PCNX3: variants seen among roughly 807,000 people sequenced by gnomAD.
PCNX3 encodes the protein pecanex-like protein 3.
A neutral mutation model predicts 207.2 loss-of-function variants in PCNX3; 58 were observed. That is an observed-to-expected ratio of 0.28 (90% confidence interval 0.23 to 0.35). PCNX3 has a LOEUF of 0.35. Ranked by LOEUF, PCNX3 falls within the 10% of genes least tolerant of loss-of-function variation. PCNX3 has a pLI of 1.00. For synonymous variants in PCNX3, 1,337 were observed against 1,183.5 expected (o/e 1.13, Z -2.66); for missense variants, 2,410 against 2,774.4 (o/e 0.87, Z 2.95).
Position 65,618,469 on chromosome 11 carries a change from G to A in PCNX3, c.1107G>A (p.Gly369=), listed in dbSNP as rs1411932309. ...LRSFDTVIGA[G]TPPGLAEPLL... ...CCTTTGACACGGTCATTGGAGCAGG[G>A]ACGCCACCGGGCCTGGCTGAGCCGC... The change falls in exon 6 of 35, where the codon GGG becomes GGA. Residue 369 remains glycine (G), a synonymous_variant. Transcript: ENST00000355703. 1 of 1,609,028 alleles carries A rather than the reference G, an allele frequency of 6.2e-7. No homozygotes were observed.
chr11:65,618,555 T>C lies in PCNX3; in HGVS notation c.1193T>C (p.Leu398Pro), dbSNP rs767022680. Residue 398 changes from leucine to proline, a missense_variant, in exon 6 of 35, where the codon CTG becomes CCG. Physicochemically the swap from Leu to Pro is moderately conservative, Grantham distance 98. Coordinates refer to ENST00000355703, the MANE Select transcript of PCNX3 (RefSeq NM_032223.4). ...LLRPSKRQPPLRRHSPPGRAP... is the reference protein window; with the variant it reads ...LLRPSKRQPPPRRHSPPGRAP... ...CGGCCTAGCAAACGGCAGCCACCCCTGCGAAGACACTCTCCACCTGGCCGT... is the reference window on the plus strand; with the variant it reads ...CGGCCTAGCAAACGGCAGCCACCCCCGCGAAGACACTCTCCACCTGGCCGT... The C allele has an allele frequency of 6.2e-7, 1 of 1,611,470 alleles. No individual in the cohort carries two copies. Among genetic ancestry groups the C allele is most frequent in the Non-Finnish European group, 8.5e-7 (1 of 1,179,438 alleles).
intron 3 of PCNX3, 21 bp from the exon 4 acceptor site, chr11:65,617,449 C>T (rs1425868571): frequency 2.5e-6 from 4 of 1,613,972 alleles, no homozygotes; most frequent in African/African-American, 1.3e-5. Flanking sequence ...TTTGTTCCTT[C>T]ATGGCTCTCT....
chr11:65,624,053 C>T, intron 13 of PCNX3, 92 bp downstream of exon 13: 1 of 1,580,668 alleles, frequency 6.3e-7, no homozygotes, highest in Non-Finnish European at 8.6e-7. Flanking sequence ...AGGGCTGGGG[C>T]TCCCTCACCA....
chr11:65,616,502 AG>A, intron 1 of PCNX3, 38 bp downstream of exon 1: 1 of 1,575,096 alleles, frequency 6.3e-7, no homozygotes, highest in Non-Finnish European at 8.6e-7. Flanking sequence ...CAGCCGGGAG[AG>A]GGAGGGCAGC....
Position 65,617,180 on chromosome 11 carries a change from C to T in PCNX3, c.342-70C>T, listed in dbSNP as rs1291599644. 1.3e-5 allele frequency: 19 copies of T among 1,463,592 alleles called. No individual in the cohort carries two copies. The Admixed American group carries it at 2.6e-4, about 20-fold the overall frequency. The allele number at this position is 1,463,592 out of a possible 1,614,324, so 90.7% of individuals were successfully genotyped here. ...GTGACTTCTGAAAAAGAAGCAGTGA[C>T]AAAGATGGGAGGAAGTAGCATACAC... On this transcript the variant is annotated intron_variant, in intron 2 of 34. Coordinates refer to ENST00000355703, the MANE Select transcript of PCNX3 (RefSeq NM_032223.4).
chr11:65,616,798 G>A (rs759028207), intron 1 of PCNX3, 26 bp from the exon 2 acceptor site: 2 of 1,596,620 alleles, frequency 1.3e-6, no homozygotes, highest in Non-Finnish European at 1.7e-6. Context: ...TTTGTGAAAA[G>A]GGACCTGGCT....
chr11:65,635,859 G>C lies in PCNX3; in HGVS notation c.5459+56G>C. On this transcript the variant is annotated intron_variant, in intron 32 of 34. Transcript: ENST00000355703. This position sits in a 1 kb window ranked among gnomAD's most constrained non-coding sequence, Gnocchi z 9.9. Reference sequence around the variant, plus strand: ...GCGGGAGGAAGCTGAGGTGCAGTACGTCCCTCCTGGGTCTCAGAGGGAGGA... The same window carrying C: ...GCGGGAGGAAGCTGAGGTGCAGTACCTCCCTCCTGGGTCTCAGAGGGAGGA... 9 of 1,539,264 alleles carry C rather than the reference G, an allele frequency of 5.8e-6. No homozygotes were observed. Among genetic ancestry groups the C allele is most frequent in the Non-Finnish European group, 7.9e-6 (9 of 1,143,122 alleles).
chr11:65,634,488 C>A (rs1171833095), intron 28 of PCNX3, 50 bp from the exon 29 acceptor site: 1 of 1,540,110 alleles, frequency 6.5e-7, no homozygotes, highest in Non-Finnish European at 8.8e-7. Context: ...CTCCAAGGTC[C>A]CTGTCCCAGG....
Position 65,616,990 on chromosome 11 carries a change from A to G in PCNX3, c.320A>G (p.Gln107Arg), listed in dbSNP as rs776787950. The change falls in exon 2 of 35, where the codon CAG becomes CGG. Residue 107 changes from glutamine (Q) to arginine (R), a missense_variant. Gln to Arg is a conservative substitution (Grantham distance 43). Coordinates refer to ENST00000355703, the MANE Select transcript of PCNX3 (RefSeq NM_032223.4). ...TMGELEEEPA[Q>R]GDSNPPRDPG... ...GGGGAGCTGGAGGAAGAGCCTGCCC[A>G]GGGGGACAGCAATCCACCCAGGTGG... The G allele has an allele frequency of 6.2e-7, 1 of 1,611,358 alleles. No individual in the cohort carries two copies. Among genetic ancestry groups the G allele is most frequent in the African/African-American group, 1.3e-5 (1 of 74,892 alleles).
Position 65,636,802 on chromosome 11 carries a change from C to T in PCNX3, c.5929C>T (p.Leu1977Phe). The T allele has an allele frequency of 1.3e-6, 2 of 1,549,300 alleles. No individual in the cohort carries two copies. Among genetic ancestry groups the T allele is most frequent in the Middle Eastern group, 1.7e-4 (1 of 5,992 alleles). The change falls in exon 35 of 35, where the codon CTC (leucine) becomes TTC (phenylalanine). Residue 1977 changes from leucine to phenylalanine, a missense_variant. Transcript: ENST00000355703. The stretch of plus-strand genomic sequence containing the variant: ...CCTCAGCCTCAGCCTCAGCCTCAGC[C>T]TCAGCCCCGATGTCAGCACTGAGGC... ...LDLSLSLSLS[L>F]SPDVSTEASP...
At chr11:65,634,499 T>A (rs1590905942) in intron 28 of PCNX3, 39 bp from the exon 29 acceptor site, 1 of 1,550,222 alleles carries the variant, frequency 6.5e-7, no homozygotes, top group Non-Finnish European at 8.7e-7. Context: ...CTGTCCCAGG[T>A]CTGAGCTGGG....
At chr11:65,624,648 G>A in intron 15 of PCNX3, 67 bp downstream of exon 15, 1 of 1,403,420 alleles carries the variant, frequency 7.1e-7, no homozygotes, top group South Asian at 1.2e-5. Context: ...CTCGGATTGG[G>A]TCCTTGGCTC....
Position 65,619,078 on chromosome 11 carries a change from G to A in PCNX3, c.1705+11G>A. The stretch of plus-strand genomic sequence containing the variant: ...GTGCTGTGGGGGGAGGTGAGTGCTT[G>A]CTCTAGAGGCAGGGGCTGGGGGACG... On this transcript the variant is annotated intron_variant, in intron 6 of 34. Transcript: ENST00000355703. 1.3e-6 allele frequency: 2 copies of A among 1,577,478 alleles called. No individual in the cohort carries two copies. Among genetic ancestry groups the A allele is most frequent in the South Asian group, 2.3e-5 (2 of 88,790 alleles).
At position 65,627,492 on chromosome 11, in the gene PCNX3, C is replaced by G. The variant is rs183218801; in HGVS notation, c.3612C>G (p.Ala1204=). 6.2e-6 allele frequency: 10 copies of G among 1,613,830 alleles called. No homozygotes were observed. In the African/African-American group the frequency reaches 1.3e-4, roughly 22 times the overall value. The part of the protein sequence containing the change: ...CCPPQQYLTL[A]FTVLLFHFDY... ...CCCCACAGCAGTACCTGACGTTGGC[C>G]TTCACCGTCCTGCTCTTCCACTTTG... Residue 1204 remains alanine, a synonymous_variant, in exon 22 of 35, where the codon GCC becomes GCG. Transcript: ENST00000355703.
In PCNX3 at chr11:65,634,276, C is replaced by T. The variant is rs765339856; in HGVS notation, c.4621C>T (p.Arg1541Cys). ...SLSVDEDYDL[R>C]LSGLSLPSFC... ...GAGTGTGGATGAGGACTATGACCTC[C>T]GCCTGTCTGGCCTCTCGCTGCCCTC... is the stretch of plus-strand genomic sequence containing the variant. Residue 1541 changes from arginine to cysteine, a missense_variant, in exon 28 of 35, where the codon CGC becomes TGC. By Grantham distance (180) the Arg-to-Cys change is radical. Transcript: ENST00000355703. 23 of 1,611,998 alleles carry T rather than the reference C, an allele frequency of 1.4e-5. No individual in the cohort carries two copies. The highest frequency in any genetic ancestry group is 1.9e-5 in the Non-Finnish European group (22 of 1,179,336).
rs1855055678 is a variant in PCNX3 at position 65,620,873 on chromosome 11, C to T, written c.2142C>T (p.Val714=). The change falls in exon 10 of 35, where the codon GTC becomes GTT. Residue 714 remains valine, a synonymous_variant. Coordinates refer to ENST00000355703, the MANE Select transcript of PCNX3 (RefSeq NM_032223.4). Reference sequence around the variant, plus strand: ...CCTCCAGCTTCCACTCGGCTGATGTCCCTGAGGCTACAGGCGGCCTGAACC... The same window carrying T: ...CCTCCAGCTTCCACTCGGCTGATGTTCCTGAGGCTACAGGCGGCCTGAACC... The part of the protein sequence containing the change: ...SHSSSFHSAD[V]PEATGGLNLL... 3.2e-6 allele frequency: 5 copies of T among 1,585,546 alleles called. No individual in the cohort carries two copies. Among genetic ancestry groups the T allele is most frequent in the Non-Finnish European group, 4.3e-6 (5 of 1,166,594 alleles).
Position 65,626,015 on chromosome 11 carries a change from G to A in PCNX3, c.3340G>A (p.Val1114Met), listed in dbSNP as rs756805973. Residue 1114 changes from valine (V) to methionine (M), a missense_variant, in exon 20 of 35, where the codon GTG becomes ATG. This residue lies in a region of PCNX3 where 333 missense variants were observed against 386.8 expected (regional missense o/e 0.86). Transcript: ENST00000355703. ...QLPWFCLSQP[V>M]LKPLEYSQYE... ...GCCCTGGTTCTGCCTGTCACAGCCC[G>A]TGCTGAAGCCGCTGGAGTACAGCCA... 4 of 1,612,640 alleles carry A rather than the reference G, an allele frequency of 2.5e-6. No individual in the cohort carries two copies. The highest frequency in any genetic ancestry group is 2.2e-5 in the East Asian group (1 of 44,860).
chr11:65,635,942 C>T lies in PCNX3; in HGVS notation c.5459+139C>T. 7.6e-7 allele frequency: 1 copy of T among 1,313,676 alleles called. No individual in the cohort carries two copies. The highest frequency in any genetic ancestry group is 1.0e-6 in the Non-Finnish European group (1 of 977,142). The allele number at this position is 1,313,676 out of a possible 1,614,324, so 81.4% of individuals were successfully genotyped here. On this transcript the variant is annotated intron_variant, in intron 32 of 34. Transcript: ENST00000355703. This position sits in a 1 kb window ranked among gnomAD's most constrained non-coding sequence, Gnocchi z 9.9. Reference sequence around the variant, plus strand: ...TGACCCCCTCCCAGAGCTGACCTGCCCCTCCTAGATGTCACCTTACCCCCA... The same window carrying T: ...TGACCCCCTCCCAGAGCTGACCTGCTCCTCCTAGATGTCACCTTACCCCCA...
Position 65,629,349 on chromosome 11 carries a change from C to T in PCNX3, c.3942-8C>T, listed in dbSNP as rs772104527. 1.9e-6 allele frequency: 3 copies of T among 1,609,236 alleles called. No individual in the cohort carries two copies. The East Asian group carries it at 6.7e-5, about 36-fold the overall frequency. On this transcript the variant is annotated splice_polypyrimidine_tract_variant and splice_region_variant and intron_variant, in intron 24 of 34. Coordinates refer to ENST00000355703, the MANE Select transcript of PCNX3 (RefSeq NM_032223.4). ...GGCCAACCGCCTTGTTGCACTCTCTCTGAACAGCACTAAACGTGTGGATCA... is the reference window on the plus strand; with the variant it reads ...GGCCAACCGCCTTGTTGCACTCTCTTTGAACAGCACTAAACGTGTGGATCA...
Sources: gnomAD v4.1 joint callset for allele counts on GRCh38, gnomAD v4.1.1 for gene constraint, gnomAD v4.1.1 regional missense constraint, Gnocchi (gnomAD v3.1) non-coding constraint, MANE v1.5 for transcripts, NCBI Gene and HGNC (gene_info 2026-07-23, HGNC 2026-07-21) for gene names.